BAIAP2: variants seen among roughly 807,000 people sequenced by gnomAD.
The protein encoded by BAIAP2 is BAR/IMD domain containing adaptor protein 2.
In BAIAP2, 18 loss-of-function variants were observed where a neutral mutation model predicts 63.0. The observed-to-expected ratio is 0.29, with a 90% CI of 0.20 to 0.42. The LOEUF is 0.42. Ranked by LOEUF, BAIAP2 falls within the 10% of genes least tolerant of loss-of-function variation. The pLI, the probability that BAIAP2 is intolerant of heterozygous loss-of-function variation, is 1.00. For synonymous variants in BAIAP2, 386 were observed against 307.6 expected (o/e 1.25, Z -2.67); for missense variants, 610 against 734.3 (o/e 0.83, Z 1.96).
intron 3 of BAIAP2, among the ~76,000 whole-genome samples, chr17:81,068,212 C>CTT (rs1324271344): frequency 2.6e-5 from 4 of 152,212 alleles, no homozygotes; most frequent in African/African-American, 9.6e-5. Context: ...CTGTTTGCAT[C>CTT]TTGTAGGGTT....
chr17:81,036,799 CAAGG>C, intron 1 of BAIAP2: 3 of 1,378,148 alleles, frequency 2.2e-6, no homozygotes, highest in Non-Finnish European at 2.0e-6. Context: ...CACATGTTGT[CAAGG>C]GAGGGAGGTT....
chr17:81,086,000 C>T (rs371609401), intron 5 of BAIAP2, among the ~76,000 whole-genome samples: 1 of 152,256 alleles, frequency 6.6e-6, no homozygotes, highest in East Asian at 1.9e-4. Context: ...CCTGACTCTG[C>T]TGCCGGGGAG....
chr17:81,115,518 G>A (rs987977077), intron 13 of BAIAP2, among the ~76,000 whole-genome samples: 6 of 152,198 alleles, frequency 3.9e-5, no homozygotes, highest in Admixed American at 3.3e-4. Flanking sequence ...TGCTGGGAGG[G>A]TGATGGATCG....
chr17:81,069,579 C>G (rs560498442), intron 3 of BAIAP2, among the ~76,000 whole-genome samples: 5 of 152,368 alleles, frequency 3.3e-5, no homozygotes, highest in Admixed American at 2.0e-4. Flanking sequence ...CGAGTCTGTT[C>G]CCTGCCTCTG....
intron 3 of BAIAP2, among the ~76,000 whole-genome samples, chr17:81,082,372 A>T (rs1386056737): frequency 6.6e-6 from 1 of 152,100 alleles, no homozygotes; most frequent in African/African-American, 2.4e-5. Context: ...CTCACGCTGA[A>T]TCCCTCTTCA....
chr17:81,105,964 G>A, intron 10 of BAIAP2, 114 bp from the exon 11 acceptor site: 1 of 874,184 alleles, frequency 1.1e-6, no homozygotes, highest in Non-Finnish European at 1.8e-6. Flanking sequence ...TTGCTCCAGA[G>A]ACAGCCGCGC....
intron 10 of BAIAP2, chr17:81,105,005 C>CTCCCCCCAACGGCAGGGATG (rs2058965200): frequency 2.9e-6 from 1 of 344,516 alleles, no homozygotes; most frequent in Non-Finnish European, 5.5e-6. Flanking sequence ...CGGCAGGGAT[C>CTCCCCCCAACGGCAGGGATG]TCCCCCAATG....
chr17:81,101,121 G>A (rs757554185), intron 7 of BAIAP2, among the ~76,000 whole-genome samples: 13 of 152,102 alleles, frequency 8.5e-5, no homozygotes, highest in Non-Finnish European at 1.5e-4. Flanking sequence ...TGTGTCTCCC[G>A]CTAGGCGTCC....
intron 7 of BAIAP2, 70 bp downstream of exon 7, chr17:81,100,150 C>T: frequency 6.6e-7 from 1 of 1,507,400 alleles, no homozygotes; most frequent in Non-Finnish European, 8.9e-7. Flanking sequence ...GGCCCCTGCC[C>T]CAGCCCCAGC....
At chr17:81,104,989 C>T (rs1295985132) in intron 10 of BAIAP2, 2 of 400,982 alleles carry the variant, frequency 5.0e-6, no homozygotes, top group East Asian at 4.7e-5. Context: ...AGGGATCTCC[C>T]CCCAACGGCA....
chr17:81,115,671 T>G, intron 13 of BAIAP2, 99 bp from the exon 14 acceptor site: 2 of 1,414,582 alleles, frequency 1.4e-6, no homozygotes, highest in Non-Finnish European at 2.0e-6. Flanking sequence ...ACCGTAGGCA[T>G]CCAGCACTGG....
intron 7 of BAIAP2, among the ~76,000 whole-genome samples, chr17:81,100,695 C>G (rs2058366914): frequency 6.6e-6 from 1 of 152,202 alleles, no homozygotes; most frequent in Non-Finnish European, 1.5e-5. Context: ...GTACGTGGAC[C>G]TGCCACCCCT....
intron 10 of BAIAP2, chr17:81,105,071 A>G (rs796142651): frequency 3.3e-4 from 66 of 197,570 alleles, no homozygotes; most frequent in South Asian, 3.1e-3. Context: ...TCTCCCCCCA[A>G]TGGCTCGGGT....
chr17:81,041,044 C>T (rs1466302848), intron 1 of BAIAP2, among the ~76,000 whole-genome samples: 1 of 152,220 alleles, frequency 6.6e-6, no homozygotes, highest in Non-Finnish European at 1.5e-5. Flanking sequence ...GGCACAGTGG[C>T]GCCCCCAGCA....
intron 6 of BAIAP2, chr17:81,098,325 C>T (rs926320458): frequency 1.9e-5 from 11 of 589,998 alleles, no homozygotes; most frequent in African/African-American, 3.8e-5. Flanking sequence ...CCCCCAAACT[C>T]CCCCTCTCCA....
intron 13 of BAIAP2, among the ~76,000 whole-genome samples, chr17:81,112,000 G>A (rs1024082252): frequency 6.6e-6 from 1 of 152,252 alleles, no homozygotes; most frequent in African/African-American, 2.4e-5. Flanking sequence ...CCTTTCTGTT[G>A]TTGATTTTCG....
chr17:81,082,737 C>T (rs969451303), intron 3 of BAIAP2, among the ~76,000 whole-genome samples: 5 of 152,138 alleles, frequency 3.3e-5, no homozygotes, highest in Admixed American at 1.3e-4. Context: ...AGCATGAGGG[C>T]GGGAATGACT....
At chr17:81,109,623 G>A (rs893140587) in intron 13 of BAIAP2, 6 of 985,252 alleles carry the variant, frequency 6.1e-6, no homozygotes, top group Admixed American at 6.1e-5. Flanking sequence ...GAAGCCGGCC[G>A]CTCCTGTGAG....
rs1036217767 is a variant in BAIAP2 at position 81,071,989 on chromosome 17, C to A, written c.218-12843C>A. 2.0e-5 allele frequency among the ~76,000 whole-genome samples: 3 copies of A among 152,252 alleles called. No homozygotes were observed. The East Asian group carries it at 5.8e-4, about 29-fold the overall frequency. ...TCGTCCGTGATCATCCCCCCCTCCC[C>A]CTCTGCTTCCGGCCTCCCCGGCCTT... On this transcript the variant is annotated intron_variant, in intron 3 of 13. Transcript: ENST00000428708.
Sources: allele counts gnomAD v4.1 joint callset (sites outside exome capture counted in the v4.1 genomes callset), GRCh38; gene constraint gnomAD v4.1.1; transcripts MANE v1.5; gene names NCBI Gene and HGNC (gene_info 2026-07-23, HGNC 2026-07-21).